Variants in SPATA7 observed in about 807,000 individuals in gnomAD.
The protein encoded by SPATA7 is spermatogenesis-associated protein 7.
A neutral mutation model predicts 51.8 loss-of-function variants in SPATA7; 43 were observed. The observed-to-expected ratio is 0.83, with a 90% CI of 0.65 to 1.07. The LOEUF (loss-of-function observed/expected upper bound fraction) is 1.07, where lower values mean the gene tolerates loss of function less well. Ranked by LOEUF, SPATA7 falls within the 50% of genes least tolerant of loss-of-function variation. The pLI, the probability that SPATA7 is intolerant of heterozygous loss-of-function variation, is 0.00. For synonymous variants in SPATA7, 230 were observed against 252.8 expected (o/e 0.91, Z 0.86); for missense variants, 683 against 701.3 (o/e 0.97, Z 0.30).
At chr14:88,421,622 G>A (rs2076644404) in intron 5 of SPATA7, among the ~76,000 whole-genome samples, 1 of 152,136 alleles carries the variant, frequency 6.6e-6, no homozygotes, top group African/African-American at 2.4e-5. Flanking sequence ...TGACAGCAGA[G>A]AGAGCATAAG....
At chr14:88,420,710 C>T (rs1199045592) in intron 5 of SPATA7, among the ~76,000 whole-genome samples, 4 of 152,134 alleles carry the variant, frequency 2.6e-5, no homozygotes, top group Non-Finnish European at 4.4e-5. Context: ...CACTCACTCT[C>T]CTAGGTTGTT....
chr14:88,415,300 T>G (rs2076446807), intron 4 of SPATA7: 1 of 308,216 alleles, frequency 3.2e-6, no homozygotes, highest in Non-Finnish European at 6.8e-6. Context: ...TTCGTCATTA[T>G]GTAATGCCCA....
At chr14:88,460,976 C>T (rs1334330136) in intron 4 of SPATA7, among the ~76,000 whole-genome samples, 3 of 152,202 alleles carry the variant, frequency 2.0e-5, no homozygotes, top group African/African-American at 7.2e-5. Context: ...GAGGTCCACT[C>T]CAGACCCTGT....
At chr14:88,455,189 T>C (rs1265966274) in exon 4 of SPATA7, 1 of 431,994 alleles carries the variant, frequency 2.3e-6, no homozygotes, top group Non-Finnish European at 4.6e-6. Flanking sequence ...ACTGTGAAAT[T>C]GATAGCAAAT....
rs774612941 is a variant in SPATA7, at chr14:88,469,499, A to G, written c.255-348A>G. On this transcript the variant is annotated intron_variant, in intron 4 of 4. Transcript: ENST00000556406. The surrounding 1 kb of genome is among the most constrained non-coding windows in gnomAD (Gnocchi z 4.3). ...TCGGAACAAAGTTAAAGTCACTCAC[A>G]TAAAAATCCCTTGAGGTCTTCTGGA... 4 of 1,609,114 alleles carry G rather than the reference A, an allele frequency of 2.5e-6. No homozygotes were observed. In the East Asian group the frequency reaches 6.7e-5, roughly 27 times the overall value.
intron 4 of SPATA7, 137 bp from the exon 5 acceptor site, chr14:88,416,574 A>T: frequency 1.2e-6 from 1 of 808,174 alleles, no homozygotes; most frequent in Non-Finnish European, 2.0e-6. Context: ...AACTCTTTAT[A>T]TAGGAAAATA....
chr14:88,407,880 C>T (rs1309198684), intron 4 of SPATA7, among the ~76,000 whole-genome samples: 2 of 152,098 alleles, frequency 1.3e-5, no homozygotes, highest in Non-Finnish European at 2.9e-5. Context: ...TTCCCCATTG[C>T]TTATTTTTCT....
chr14:88,464,262 T>G (rs968928846), intron 4 of SPATA7, among the ~76,000 whole-genome samples: 2 of 152,184 alleles, frequency 1.3e-5, no homozygotes, highest in African/African-American at 4.8e-5. Context: ...ATGCAGCTAT[T>G]CCTCTACTTT....
chr14:88,404,514 C>T (rs151191295), intron 4 of SPATA7, among the ~76,000 whole-genome samples: 10 of 152,166 alleles, frequency 6.6e-5, no homozygotes, highest in African/African-American at 2.4e-4. Flanking sequence ...GTCATGAGTT[C>T]GAGACCAGCC....
In SPATA7 at chr14:88,469,894, A is replaced by C. The variant is rs748314129; in HGVS notation, c.*27A>C. 192 of 1,613,322 alleles carry C rather than the reference A, an allele frequency of 1.2e-4. No homozygotes were observed. The highest frequency in any genetic ancestry group is 1.6e-4 in the Non-Finnish European group (191 of 1,179,586). ...ATTAACTGTTCTTCAGAGGCTGAGA[A>C]AATCACTTAAGAGAAATAAGTACCT... On this transcript the variant is annotated 3_prime_UTR_variant, in exon 5 of 5. Coordinates refer to the SPATA7 transcript ENST00000556406. This position sits in a 1 kb window ranked among gnomAD's most constrained non-coding sequence, Gnocchi z 4.3.
chr14:88,386,165 C>T (rs765389154), intron 1 of SPATA7: 3 of 636,308 alleles, frequency 4.7e-6, no homozygotes, highest in Non-Finnish European at 7.4e-6. Context: ...AGTCAGACCT[C>T]CCCGGGCCCC....
At chr14:88,390,366 G>A (rs1198748647) in intron 1 of SPATA7, among the ~76,000 whole-genome samples, 1 of 151,708 alleles carries the variant, frequency 6.6e-6, no homozygotes, top group East Asian at 1.9e-4. Flanking sequence ...TTTCTATCTT[G>A]GTTCCACTTG....
intron 4 of SPATA7, chr14:88,468,251 C>T (rs751874557): frequency 4.3e-5 from 69 of 1,605,148 alleles, no homozygotes; most frequent in Middle Eastern, 1.8e-4. Flanking sequence ...CCAGCACTCT[C>T]GGGATGTCCA....
intron 4 of SPATA7, chr14:88,410,892 CAG>C (rs1239352893): frequency 6.5e-6 from 1 of 152,874 alleles, no homozygotes; most frequent in African/African-American, 2.4e-5. Context: ...TGTCCCTTAG[CAG>C]AGCTCAAGCA....
chr14:88,426,389 G>A lies in SPATA7; in HGVS notation c.530G>A (p.Ser177Asn). 6.2e-7 allele frequency: 1 copy of A among 1,614,194 alleles called. No individual in the cohort carries two copies. Among genetic ancestry groups the A allele is most frequent in the Non-Finnish European group, 8.5e-7 (1 of 1,180,026 alleles). ...ACAAATGGTCCTGAGAAGAACTCCA[G>A]TTCCTCCCCGTCCAGTGTGGATTAT... Reference protein sequence around the residue: ...VITNGPEKNSSSSPSSVDYAA... With the variant: ...VITNGPEKNSNSSPSSVDYAA... Residue 177 changes from serine to asparagine, a missense_variant, in exon 6 of 12, where the codon AGT becomes AAT. Coordinates refer to ENST00000393545, the MANE Select transcript of SPATA7 (RefSeq NM_018418.5).
Position 88,391,822 on chromosome 14 carries a change from C to T in SPATA7, c.94+367C>T. Reference sequence around the variant, plus strand: ...AAAAGCTGTGCAGAGAAAAAGAGCACTTGAATAATACATTTCCTATTAGGA... The same window carrying T: ...AAAAGCTGTGCAGAGAAAAAGAGCATTTGAATAATACATTTCCTATTAGGA... On this transcript the variant is annotated intron_variant, in intron 2 of 11. Coordinates refer to ENST00000393545, the MANE Select transcript of SPATA7 (RefSeq NM_018418.5). 1.2e-5 allele frequency: 3 copies of T among 256,630 alleles called. No individual in the cohort carries two copies. In the Admixed American group the frequency reaches 1.5e-4, roughly 13 times the overall value. The allele number at this position is 256,630 out of a possible 1,614,324, so 15.9% of individuals were successfully genotyped here. A position where few individuals can be genotyped will look rare whatever the true frequency, so the allele number is the denominator to read the frequency against.
intron 10 of SPATA7, 76 bp downstream of exon 10, chr14:88,433,288 A>G: frequency 9.4e-7 from 1 of 1,064,554 alleles, no homozygotes; most frequent in Non-Finnish European, 1.4e-6. Flanking sequence ...ATGATGTTAA[A>G]ATTTTAAAGT....
intron 4 of SPATA7, chr14:88,466,033 A>G (rs1186266545): frequency 6.6e-6 from 1 of 151,732 alleles, no homozygotes; most frequent in African/African-American, 2.4e-5. Context: ...GTTTGTTTAA[A>G]CCTGACAGAA....
chr14:88,394,043 T>C (rs1217614887), intron 3 of SPATA7, among the ~76,000 whole-genome samples: 2 of 152,204 alleles, frequency 1.3e-5, no homozygotes, highest in African/African-American at 4.8e-5. Context: ...AGAATGGTGT[T>C]CATATTTTTA....
Sources: allele counts gnomAD v4.1 joint callset (sites outside exome capture counted in the v4.1 genomes callset), GRCh38; gene constraint gnomAD v4.1.1; non-coding constraint Gnocchi (gnomAD v3.1); transcripts MANE v1.5; gene names NCBI Gene and HGNC (gene_info 2026-07-23, HGNC 2026-07-21).